Variants in TMPRSS11D observed in about 807,000 individuals in gnomAD.
The protein encoded by TMPRSS11D is transmembrane serine protease 11D.
TMPRSS11D carries 32 observed loss-of-function variants against 44.4 expected under a neutral mutation model. That is an observed-to-expected ratio of 0.72 (90% CI 0.54 to 0.97). TMPRSS11D has a LOEUF of 0.97. TMPRSS11D is among the 50% of genes least tolerant of loss of function. The pLI, the probability that TMPRSS11D is intolerant of heterozygous loss-of-function variation, is 0.00. For missense variants in TMPRSS11D, 446 were observed against 502.6 expected (o/e 0.89, Z 1.08); for synonymous variants, 179 against 177.9 (o/e 1.01, Z -0.05).
intron 1 of TMPRSS11D, among the ~76,000 whole-genome samples, chr4:67,865,963 G>A (rs1034310021): frequency 5.3e-5 from 8 of 151,948 alleles, no homozygotes; most frequent in African/African-American, 7.2e-5. Context: ...CCAAAATATT[G>A]AGGAGGAGGG....
chr4:67,868,691 A>G (rs1718984462), intron 1 of TMPRSS11D, among the ~76,000 whole-genome samples: 1 of 152,190 alleles, frequency 6.6e-6, no homozygotes, highest in African/African-American at 2.4e-5. Context: ...CTTTGTGAGT[A>G]ATGGGTTTGG....
intron 1 of TMPRSS11D, among the ~76,000 whole-genome samples, chr4:67,875,466 C>T (rs186951660): frequency 2.4e-4 from 36 of 152,192 alleles, no homozygotes; most frequent in African/African-American, 8.2e-4. Flanking sequence ...TGGATAGATC[C>T]TCCCACGACT....
chr4:67,858,227 G>C (rs1577823272), intron 2 of TMPRSS11D, among the ~76,000 whole-genome samples: 2 of 152,302 alleles, frequency 1.3e-5, no homozygotes, highest in South Asian at 4.1e-4. Flanking sequence ...AAGAGTTGGA[G>C]ATCCTGGGGG....
intron 5 of TMPRSS11D, among the ~76,000 whole-genome samples, chr4:67,837,826 T>C (rs1718132678): frequency 6.6e-6 from 1 of 152,058 alleles, no homozygotes; most frequent in African/African-American, 2.4e-5. Flanking sequence ...GCCTCTGAGG[T>C]GGATCATTAA....
chr4:67,871,553 G>T (rs557166747), intron 1 of TMPRSS11D, among the ~76,000 whole-genome samples: 2 of 152,274 alleles, frequency 1.3e-5, no homozygotes, highest in African/African-American at 4.8e-5. Flanking sequence ...AGCCTTGCAT[G>T]ATTATTAATA....
intron 9 of TMPRSS11D, among the ~76,000 whole-genome samples, chr4:67,825,484 G>A (rs1717769008): frequency 6.6e-6 from 1 of 152,018 alleles, no homozygotes; most frequent in African/African-American, 2.4e-5. Flanking sequence ...AATTCAAATC[G>A]AGGTCTTTCT....
At chr4:67,843,692 G>A (rs898871757) in intron 3 of TMPRSS11D, among the ~76,000 whole-genome samples, 2 of 152,196 alleles carry the variant, frequency 1.3e-5, no homozygotes, top group African/African-American at 2.4e-5. Flanking sequence ...GGGAGGCTGA[G>A]GCAGGTGGAC....
intron 3 of TMPRSS11D, among the ~76,000 whole-genome samples, chr4:67,850,734 G>T (rs1371925): frequency 0.98 from 149,864 of 152,310 alleles, 73,766 homozygotes; most frequent in Non-Finnish European, 1. Flanking sequence ...TGTCAGTGTG[G>T]GTGTGCACTT....
intron 5 of TMPRSS11D, among the ~76,000 whole-genome samples, chr4:67,835,382 C>T (rs866471487): frequency 6.6e-6 from 1 of 152,040 alleles, no homozygotes; most frequent in Non-Finnish European, 1.5e-5. Context: ...TTTAATTTCT[C>T]ATTAAATACT....
At chr4:67,845,484 T>C (rs1718336705) in intron 3 of TMPRSS11D, among the ~76,000 whole-genome samples, 2 of 152,174 alleles carry the variant, frequency 1.3e-5, no homozygotes, top group African/African-American at 2.4e-5. Flanking sequence ...AGTTAACGTG[T>C]ATTAAAATGA....
chr4:67,842,725 A>G (rs1718262442), intron 3 of TMPRSS11D, 100 bp from the exon 4 acceptor site: 5 of 1,110,392 alleles, frequency 4.5e-6, no homozygotes, highest in Non-Finnish European at 6.6e-6. Flanking sequence ...GGAGTAGAAA[A>G]CTGAATTTTC....
intron 4 of TMPRSS11D, among the ~76,000 whole-genome samples, 168 bp downstream of exon 4, chr4:67,842,390 T>C (rs1388369147): frequency 6.6e-6 from 1 of 152,190 alleles, no homozygotes; most frequent in Non-Finnish European, 1.5e-5. Context: ...GCTAAATAGA[T>C]CATATGTTTG....
At chr4:67,876,737 G>T (rs1402638820) in intron 1 of TMPRSS11D, among the ~76,000 whole-genome samples, 1 of 152,112 alleles carries the variant, frequency 6.6e-6, no homozygotes, top group African/African-American at 2.4e-5. Flanking sequence ...GACATGGTGG[G>T]TGCTCTATAG....
intron 1 of TMPRSS11D, among the ~76,000 whole-genome samples, chr4:67,883,619 A>C (rs1317943475): frequency 6.6e-6 from 1 of 152,032 alleles, no homozygotes; most frequent in Non-Finnish European, 1.5e-5. Context: ...AAATCCACAC[A>C]CCACTTTTCG....
intron 4 of TMPRSS11D, chr4:67,838,995 A>G (rs1371222138): frequency 6.6e-6 from 1 of 152,028 alleles, no homozygotes; most frequent in Non-Finnish European, 1.5e-5. Flanking sequence ...AGTAATTTCT[A>G]TTTTCTTCCA....
At chr4:67,839,179 A>T (rs993303615) in intron 4 of TMPRSS11D, 5 of 152,110 alleles carry the variant, frequency 3.3e-5, no homozygotes, top group African/African-American at 1.2e-4. Flanking sequence ...TTTAATATTT[A>T]TTTTTAAAAA....
At chr4:67,828,367 A>G (rs12715789) in intron 7 of TMPRSS11D, among the ~76,000 whole-genome samples, 28,660 of 152,062 alleles carry the variant, frequency 0.19, 3,020 homozygotes, top group African/African-American at 0.27. Flanking sequence ...TCCCCCAATC[A>G]TCAGTTTACT....
At chr4:67,858,762 G>GA (rs1002223773) in intron 2 of TMPRSS11D, among the ~76,000 whole-genome samples, 1 of 151,862 alleles carries the variant, frequency 6.6e-6, no homozygotes, top group Admixed American at 6.6e-5. Context: ...TATTTTAAGT[G>GA]AAAAAAATTC....
chr4:67,852,358 A>C (rs1243242668), intron 3 of TMPRSS11D, among the ~76,000 whole-genome samples: 1 of 152,118 alleles, frequency 6.6e-6, no homozygotes, highest in African/African-American at 2.4e-5. Context: ...ACCAGGCTGC[A>C]CTGGCAGGCT....
Sources: gnomAD v4.1 joint callset for allele counts (sites outside exome capture counted in the v4.1 genomes callset) on GRCh38, gnomAD v4.1.1 for gene constraint, MANE v1.5 for transcripts, NCBI Gene and HGNC (gene_info 2026-07-23, HGNC 2026-07-21) for gene names.